The following VEGFD variants were observed in gnomAD, a reference collection of about 807,000 sequenced individuals.
VEGFD encodes c-fos induced growth factor (vascular endothelial growth factor D).
VEGFD carries 26 observed loss-of-function variants against 28.0 expected under a neutral mutation model. That is an observed-to-expected ratio of 0.93 (90% CI 0.68 to 1.29). VEGFD has a LOEUF of 1.29. Ranked by LOEUF, VEGFD falls within the 50% of genes most tolerant of loss-of-function variation. The pLI, the probability that VEGFD is intolerant of heterozygous loss-of-function variation, is 0.00. For synonymous variants in VEGFD, 93 were observed against 95.5 expected (o/e 0.97, Z 0.15); for missense variants, 294 against 273.4 (o/e 1.08, Z -0.53).
At chrX:15,374,675 TG>T (rs1923391756) in intron 1 of VEGFD, among the ~76,000 whole-genome samples, 1 of 111,301 alleles carries the variant, frequency 9.0e-6, no homozygotes, top group African/African-American at 3.3e-5. Context: ...AATCTATACA[TG>T]TGTTAGAATT....
chrX:15,358,418 G>A (rs765774228), intron 2 of VEGFD, among the ~76,000 whole-genome samples: 2 of 111,902 alleles, frequency 1.8e-5, no homozygotes, highest in Non-Finnish European at 3.8e-5. Context: ...TAGAATATAA[G>A]TATTTTATTT....
chrX:15,370,602 A>G lies in VEGFD; in HGVS notation c.91-7283T>C, dbSNP rs976728628. On this transcript the variant is annotated intron_variant, in intron 1 of 6. Coordinates refer to ENST00000297904, the MANE Select transcript of VEGFD (RefSeq NM_004469.5). ...TACATATCTGATGAAGGAATTTATA[A>G]GTAATAAATACATACATGTATCTGA... Among the ~76,000 whole-genome samples, 4 of 111,886 alleles carry G rather than the reference A, an allele frequency of 3.6e-5. No individual in the cohort carries two copies. The South Asian group carries it at 1.1e-3, about 31-fold the overall frequency.
At chrX:15,346,662 G>A (rs755564327) in intron 6 of VEGFD, among the ~76,000 whole-genome samples, 4 of 111,985 alleles carry the variant, frequency 3.6e-5, no homozygotes, top group East Asian at 2.8e-4. Context: ...GGGTGGGCGC[G>A]GTGGCTCATG....
intron 1 of VEGFD, among the ~76,000 whole-genome samples, chrX:15,367,986 A>AAAAGAAAGAAAG (rs199761765): frequency 0.078 from 5,186 of 66,534 alleles, 236 homozygotes; most frequent in South Asian, 0.094. Context: ...AAGAAAAAGA[A>AAAAGAAAGAAAG]AAAGAAAGAA....
intron 1 of VEGFD, among the ~76,000 whole-genome samples, chrX:15,377,204 A>G (rs1237003841): frequency 8.9e-6 from 1 of 112,247 alleles, no homozygotes; most frequent in Middle Eastern, 4.2e-3. Flanking sequence ...TGCCTGGCAC[A>G]TGGTAGACAT....
chrX:15,382,021 T>G (rs767847397), intron 1 of VEGFD, among the ~76,000 whole-genome samples: 71 of 104,363 alleles, frequency 6.8e-4, no homozygotes, highest in African/African-American at 2.1e-3. Context: ...TTCAAAGCAT[T>G]TAAAACTTCA....
intron 1 of VEGFD, among the ~76,000 whole-genome samples, chrX:15,378,346 AT>A (rs1043732536): frequency 8.9e-6 from 1 of 111,973 alleles, no homozygotes; most frequent in African/African-American, 3.3e-5. Flanking sequence ...ATGCTTTAGA[AT>A]TTTTTTTAAA....
chrX:15,364,074 A>G (rs1427405432), intron 1 of VEGFD, among the ~76,000 whole-genome samples: 1 of 111,980 alleles, frequency 8.9e-6, no homozygotes, highest in Admixed American at 9.5e-5. Context: ...AGTTGTTTTC[A>G]TCTCTGTTAT....
chrX:15,346,676 G>A (rs1173234219), intron 6 of VEGFD, among the ~76,000 whole-genome samples: 2 of 112,215 alleles, frequency 1.8e-5, no homozygotes, highest in Admixed American at 9.4e-5. Flanking sequence ...GCTCATGCCT[G>A]TAATCCCAGC....
At chrX:15,367,970 GAAAGAAAGAA>G (rs1415518656) in intron 1 of VEGFD, among the ~76,000 whole-genome samples, 4 of 67,007 alleles carry the variant, frequency 6.0e-5, no homozygotes, top group African/African-American at 2.6e-4. Flanking sequence ...AAGAAAGAAA[GAAAGAAAGAA>G]AAAGAAAAAG....
At chrX:15,364,351 G>T (rs1265817228) in intron 1 of VEGFD, among the ~76,000 whole-genome samples, 1 of 111,625 alleles carries the variant, frequency 9.0e-6, no homozygotes, top group Non-Finnish European at 1.9e-5. Flanking sequence ...AACTGTATTG[G>T]CGGATACAGT....
chrX:15,348,366 C>T (rs1922606799), intron 5 of VEGFD, among the ~76,000 whole-genome samples: 1 of 112,459 alleles, frequency 8.9e-6, no homozygotes. Context: ...TTTTATCCCT[C>T]CAACCTATTC....
chrX:15,380,224 A>G (rs187031193), intron 1 of VEGFD, among the ~76,000 whole-genome samples: 162 of 112,742 alleles, frequency 1.4e-3, no homozygotes, highest in Non-Finnish European at 3.4e-4. Flanking sequence ...TGACTTTGGA[A>G]CTGGAAATCG....
intron 1 of VEGFD, among the ~76,000 whole-genome samples, chrX:15,376,666 CTCCTCT>C (rs1923446222): frequency 8.9e-6 from 1 of 111,843 alleles, no homozygotes; most frequent in African/African-American, 3.2e-5. Context: ...ATCCACTTAT[CTCCTCT>C]TCCTCTTCCT....
intron 2 of VEGFD, among the ~76,000 whole-genome samples, chrX:15,360,202 A>T (rs1286618032): frequency 9.1e-6 from 1 of 110,419 alleles, no homozygotes; most frequent in African/African-American, 3.3e-5. Context: ...CTTAATACCA[A>T]TTTTTTTCAT....
At chrX:15,356,698 C>T (rs1459873929) in intron 3 of VEGFD, among the ~76,000 whole-genome samples, 2 of 111,658 alleles carry the variant, frequency 1.8e-5, no homozygotes, top group Admixed American at 9.5e-5. Flanking sequence ...AACCCTCTTA[C>T]GTTATGCAAG....
rs984984986 is a variant in VEGFD at position 15,352,054 on chromosome X, T to C, written c.742+1014A>G. Among the ~76,000 whole-genome samples, 4 of 111,756 alleles carry C rather than the reference T, an allele frequency of 3.6e-5. No individual in the cohort carries two copies. The South Asian group carries it at 1.5e-3, about 42-fold the overall frequency. On this transcript the variant is annotated intron_variant, in intron 5 of 6. Transcript: ENST00000297904. ...GTTCTGGTAGAGGATGGCTGAACAC[T>C]TGGTGGGAAGGGTGTAAAGAACATT...
chrX:15,380,521 G>T (rs939503716), intron 1 of VEGFD, among the ~76,000 whole-genome samples: 11 of 112,712 alleles, frequency 9.8e-5, no homozygotes, highest in Non-Finnish European at 1.5e-4. Context: ...AGTACACAGG[G>T]AAGATAAAGC....
chrX:15,358,136 AC>A lies in VEGFD; in HGVS notation c.358del (p.Val120TrpfsTer18). 8.3e-7 allele frequency: 1 copy of A among 1,210,873 alleles called. No individual in the cohort carries two copies. The highest frequency in any genetic ancestry group is 1.7e-5 in the African/African-American group (1 of 57,565). On this transcript the variant is annotated frameshift_variant, in exon 3 of 7. Transcript: ENST00000297904. LOFTEE classifies it high-confidence loss of function. ...GGTACTCTTCCCCAGCTCACTGGCCACCTCCACGCACGTTTCTCTAGGGCTG... is the reference window on the plus strand; with the variant it reads ...GGTACTCTTCCCCAGCTCACTGGCCACTCCACGCACGTTTCTCTAGGGCTG... ...QCSPRETCVE[V>X]ASELGKSTNT...
Sources: allele counts gnomAD v4.1 joint callset (sites outside exome capture counted in the v4.1 genomes callset), GRCh38; gene constraint gnomAD v4.1.1; transcripts MANE v1.5; gene names NCBI Gene and HGNC (gene_info 2026-07-23, HGNC 2026-07-21).